Variants in CEPT1 observed in about 807,000 individuals in gnomAD.
CEPT1 encodes choline/ethanolaminephosphotransferase 1.
A neutral mutation model predicts 42.6 loss-of-function variants in CEPT1; 7 were observed. That is an observed-to-expected ratio of 0.16 (90% CI 0.09 to 0.31). The LOEUF (loss-of-function observed/expected upper bound fraction) is 0.31. Among genes scored for constraint, CEPT1 ranks in the 10% least tolerant of loss-of-function variants. CEPT1 has a pLI of 1.00. For synonymous variants in CEPT1, 171 were observed against 171.9 expected (o/e 0.99, Z 0.04); for missense variants, 306 against 502.1 (o/e 0.61, Z 3.73).
At chr1:111,179,367 A>G (rs1234296587) in intron 5 of CEPT1, 1 of 152,168 alleles carries the variant, frequency 6.6e-6, no homozygotes, top group East Asian at 1.9e-4. Flanking sequence ...CCAACTCTTA[A>G]AGACTTGAAA....
intron 4 of CEPT1, chr1:111,167,675 C>T (rs1656205155): frequency 1.0e-6 from 1 of 981,730 alleles, no homozygotes; most frequent in Non-Finnish European, 1.2e-6. Flanking sequence ...GAGTTTACAG[C>T]AGTCTTGGTG....
intron 4 of CEPT1, among the ~76,000 whole-genome samples, chr1:111,169,071 TATA>T (rs1656287508): frequency 1.3e-5 from 2 of 152,214 alleles, no homozygotes; most frequent in African/African-American, 4.8e-5. Context: ...GTTGTTATAC[TATA>T]ATGTTTAGGG....
intron 5 of CEPT1, 22 bp downstream of exon 5, chr1:111,174,985 A>T (rs1187403212): frequency 3.0e-6 from 4 of 1,335,054 alleles, no homozygotes; most frequent in African/African-American, 1.4e-5. Flanking sequence ...CACATTGTGT[A>T]TCCCATGTAA....
intron 4 of CEPT1, among the ~76,000 whole-genome samples, chr1:111,173,417 A>G (rs753296646): frequency 6.6e-6 from 1 of 152,162 alleles, no homozygotes; most frequent in Non-Finnish European, 1.5e-5. Flanking sequence ...GTTGCAAGAC[A>G]TTAGTTTCAA....
chr1:111,159,314 A>C, intron 2 of CEPT1, 66 bp from the exon 3 acceptor site: 2 of 1,509,718 alleles, frequency 1.3e-6, no homozygotes, highest in South Asian at 2.5e-5. Flanking sequence ...TGCAGGTAAA[A>C]ATATGTTAGT....
intron 2 of CEPT1, 66 bp downstream of exon 2, chr1:111,148,119 G>A: frequency 8.1e-7 from 1 of 1,229,698 alleles, no homozygotes; most frequent in Non-Finnish European, 1.2e-6. Flanking sequence ...GGGATCGTGG[G>A]GTCATTTTAA....
At chr1:111,151,953 A>G (rs948603891) in intron 2 of CEPT1, among the ~76,000 whole-genome samples, 4 of 152,202 alleles carry the variant, frequency 2.6e-5, no homozygotes, top group Non-Finnish European at 4.4e-5. Context: ...ATGAGAATTT[A>G]TGATTTGTAG....
intron 4 of CEPT1, among the ~76,000 whole-genome samples, chr1:111,171,495 C>T (rs946052931): frequency 4.6e-5 from 7 of 152,172 alleles, no homozygotes; most frequent in African/African-American, 9.7e-5. Context: ...AAGTTTATTA[C>T]GGGCGTTGAA....
At chr1:111,152,866 A>G (rs1655357865) in intron 2 of CEPT1, among the ~76,000 whole-genome samples, 1 of 152,138 alleles carries the variant, frequency 6.6e-6, no homozygotes, top group Admixed American at 6.5e-5. Context: ...TTGACACATA[A>G]TAATTATATA....
At chr1:111,147,171 T>G (rs566512026) in intron 1 of CEPT1, among the ~76,000 whole-genome samples, 2 of 152,328 alleles carry the variant, frequency 1.3e-5, no homozygotes, top group African/African-American at 4.8e-5. Context: ...TGCTTAAGTT[T>G]TGTAATATGA....
chr1:111,178,509 C>T (rs1489316067), intron 5 of CEPT1: 3 of 149,594 alleles, frequency 2.0e-5, no homozygotes, highest in African/African-American at 7.4e-5. Context: ...GCATAAAAGT[C>T]AGTGCTTGTT....
chr1:111,179,718 T>C (rs1341011414), intron 5 of CEPT1: 2 of 152,176 alleles, frequency 1.3e-5, no homozygotes, highest in African/African-American at 2.4e-5. Flanking sequence ...TTTTCATTGC[T>C]AATGTGGGGG....
At chr1:111,170,932 C>T (rs1178725223) in intron 4 of CEPT1, among the ~76,000 whole-genome samples, 1 of 152,086 alleles carries the variant, frequency 6.6e-6, no homozygotes, top group East Asian at 1.9e-4. Context: ...AACTACAACA[C>T]AATTAAATTT....
chr1:111,153,899 C>G (rs2101271865), intron 2 of CEPT1, among the ~76,000 whole-genome samples: 1 of 152,202 alleles, frequency 6.6e-6, no homozygotes, highest in Non-Finnish European at 1.5e-5. Flanking sequence ...ATGCCTCCAG[C>G]TTTGTTCTTT....
At chr1:111,159,283 C>A in intron 2 of CEPT1, 97 bp from the exon 3 acceptor site, 2 of 1,139,110 alleles carry the variant, frequency 1.8e-6, no homozygotes, top group Non-Finnish European at 2.6e-6. Flanking sequence ...TCTCCCATAG[C>A]TTCCAACTAG....
intron 2 of CEPT1, among the ~76,000 whole-genome samples, chr1:111,154,378 A>G (rs1655450616): frequency 6.6e-6 from 1 of 152,000 alleles, no homozygotes. Flanking sequence ...TAACAGTTCT[A>G]TGAGTTTTTT....
At chr1:111,143,407 C>T (rs1654774030) in intron 1 of CEPT1, 5 of 152,210 alleles carry the variant, frequency 3.3e-5, no homozygotes, top group Non-Finnish European at 4.4e-5. Flanking sequence ...TTGTTTTCCT[C>T]ATTGTGCCTA....
At chr1:111,172,880 A>G (rs893436103) in intron 4 of CEPT1, among the ~76,000 whole-genome samples, 11 of 152,220 alleles carry the variant, frequency 7.2e-5, no homozygotes, top group African/African-American at 2.4e-5. Flanking sequence ...TAACAGTAAG[A>G]CATTATTCAT....
At chr1:111,146,508 T>G (rs1400561221) in intron 1 of CEPT1, among the ~76,000 whole-genome samples, 1 of 152,222 alleles carries the variant, frequency 6.6e-6, no homozygotes, top group Non-Finnish European at 1.5e-5. Flanking sequence ...CTGCTGAATC[T>G]TCCATCTAAA....
Sources: gnomAD v4.1 joint callset for allele counts (sites outside exome capture counted in the v4.1 genomes callset) on GRCh38, gnomAD v4.1.1 for gene constraint, MANE v1.5 for transcripts, NCBI Gene and HGNC (gene_info 2026-07-23, HGNC 2026-07-21) for gene names.